Variants in HTR4 observed in about 807,000 individuals in gnomAD.
HTR4 encodes 5-hydroxytryptamine receptor 4, also known as 5-hydroxytryptamine (serotonin) receptor 4, G protein-coupled.
HTR4 carries 16 observed loss-of-function variants against 36.8 expected under a neutral mutation model. The observed-to-expected ratio is 0.43, with a 90% CI of 0.29 to 0.66. The LOEUF (loss-of-function observed/expected upper bound fraction) is 0.66, where lower values mean the gene tolerates loss of function less well. Ranked by LOEUF, HTR4 falls within the 30% of genes least tolerant of loss-of-function variation. The pLI is 0.13. For missense variants in HTR4, 438 were observed against 490.9 expected (o/e 0.89, Z 1.02); for synonymous variants, 189 against 185.1 (o/e 1.02, Z -0.17).
chr5:148,458,116 T>TAAA, intron 5 of HTR4, among the ~76,000 whole-genome samples: 3 of 134,016 alleles, frequency 2.2e-5, no homozygotes, highest in African/African-American at 5.3e-5. Context: ...ATTAAATAGA[T>TAAA]CTTAAAATAT....
intron 5 of HTR4, 33 bp downstream of exon 5, chr5:148,523,160 C>G (rs887725043): frequency 3.2e-6 from 5 of 1,584,910 alleles, no homozygotes; most frequent in Non-Finnish European, 4.3e-6. Context: ...GTTGATCAGA[C>G]AGTAAACCAG....
intron 5 of HTR4, among the ~76,000 whole-genome samples, chr5:148,460,095 T>C (rs773807214): frequency 3.4e-5 from 5 of 148,368 alleles, no homozygotes; most frequent in South Asian, 2.1e-4. Flanking sequence ...ACCTCCAAAA[T>C]TGAAAATAAA....
At chr5:148,536,794 G>T (rs186157484) in intron 4 of HTR4, among the ~76,000 whole-genome samples, 1 of 152,030 alleles carries the variant, frequency 6.6e-6, no homozygotes, top group African/African-American at 2.4e-5. Flanking sequence ...ATAGTGGAAG[G>T]CTTCAGCACT....
chr5:148,637,100 C>A (rs1314476979), intron 1 of HTR4, 39 bp from the exon 2 acceptor site: 1 of 1,364,050 alleles, frequency 7.3e-7, no homozygotes, highest in South Asian at 1.2e-5. Context: ...TAAAAGAAAG[C>A]AGCATTGAAA....
At chr5:148,475,381 T>C (rs1440140481), downstream of HTR4, among the ~76,000 whole-genome samples, 1 of 152,194 alleles carries the variant, frequency 6.6e-6, no homozygotes, top group Non-Finnish European at 1.5e-5. Context: ...GTCCTGACTA[T>C]CTTATATGCT....
intron 2 of HTR4, among the ~76,000 whole-genome samples, chr5:148,572,793 T>C (rs1467981564): frequency 2.0e-5 from 3 of 152,138 alleles, no homozygotes; most frequent in Non-Finnish European, 2.9e-5. Context: ...ACCTATTGAT[T>C]CTAACATGTT....
intron 5 of HTR4, among the ~76,000 whole-genome samples, 199 bp downstream of exon 5, chr5:148,522,994 A>T (rs951105415): frequency 3.3e-5 from 5 of 152,202 alleles, no homozygotes; most frequent in African/African-American, 9.6e-5. Context: ...ACAAGGATTC[A>T]GAAAAGTCTA....
At chr5:148,529,562 A>T (rs919572936) in intron 4 of HTR4, among the ~76,000 whole-genome samples, 2 of 152,206 alleles carry the variant, frequency 1.3e-5, no homozygotes, top group Non-Finnish European at 2.9e-5. Flanking sequence ...GAGTCCATTG[A>T]ATCTCTTTCT....
chr5:148,592,376 T>C (rs1761607720), intron 2 of HTR4, among the ~76,000 whole-genome samples: 1 of 152,068 alleles, frequency 6.6e-6, no homozygotes, highest in Non-Finnish European at 1.5e-5. Flanking sequence ...CATGTACCCC[T>C]GAACCTAAAA....
intron 2 of HTR4, among the ~76,000 whole-genome samples, chr5:148,625,189 A>T (rs1005791336): frequency 6.6e-6 from 1 of 152,188 alleles, no homozygotes; most frequent in African/African-American, 2.4e-5. Context: ...TTAGGGAGTC[A>T]AAAAGGTGTT....
chr5:148,578,595 C>A (rs62388994), intron 2 of HTR4, among the ~76,000 whole-genome samples: 35,741 of 151,922 alleles, frequency 0.24, 5,113 homozygotes, highest in Non-Finnish European at 0.32. Context: ...TTGAGGCAGA[C>A]GGTATAATCG....
intron 4 of HTR4, among the ~76,000 whole-genome samples, chr5:148,523,830 C>A (rs559942260): frequency 5.3e-5 from 8 of 152,294 alleles, no homozygotes; most frequent in African/African-American, 1.9e-4. Context: ...TGAGGAGCCT[C>A]TGCCCAGCCC....
Position 148,482,676 on chromosome 5 carries a change from C to T in HTR4, c.*527G>A, listed in dbSNP as rs1755945450. The T allele has an allele frequency of 1.0e-6, 1 of 999,688 alleles. No homozygotes were observed. The highest frequency in any genetic ancestry group is 1.7e-5 in the African/African-American group (1 of 57,818). The allele number at this position is 999,688 out of a possible 1,614,324, so 61.9% of individuals were successfully genotyped here. ...AAGTGTGTTAGCGTCTGGCACAGAACAGGGCGAAGAAGAGGCAGGGGATAG... is the reference window on the plus strand; with the variant it reads ...AAGTGTGTTAGCGTCTGGCACAGAATAGGGCGAAGAAGAGGCAGGGGATAG... On this transcript the variant is annotated 3_prime_UTR_variant, in exon 7 of 7. Coordinates refer to ENST00000377888, the MANE Select transcript of HTR4 (RefSeq NM_000870.7).
At chr5:148,578,098 T>C (rs1175319019) in intron 2 of HTR4, among the ~76,000 whole-genome samples, 1 of 152,090 alleles carries the variant, frequency 6.6e-6, no homozygotes, top group Non-Finnish European at 1.5e-5. Flanking sequence ...ATGCTTAATG[T>C]ACTAAAAAGT....
chr5:148,559,576 T>A (rs1250819528), intron 2 of HTR4, among the ~76,000 whole-genome samples: 1 of 152,088 alleles, frequency 6.6e-6, no homozygotes, highest in Non-Finnish European at 1.5e-5. Flanking sequence ...TCCCCCTAGG[T>A]TTCTTGAGAG....
chr5:148,575,209 T>A (rs942212455), intron 2 of HTR4, among the ~76,000 whole-genome samples: 32 of 151,972 alleles, frequency 2.1e-4, no homozygotes, highest in African/African-American at 7.7e-4. Context: ...GAGGTAAGCA[T>A]CCCCTGATCA....
chr5:148,534,980 A>C (rs1758744309), intron 4 of HTR4, among the ~76,000 whole-genome samples: 1 of 152,102 alleles, frequency 6.6e-6, no homozygotes, highest in Non-Finnish European at 1.5e-5. Flanking sequence ...AGAGGAACCC[A>C]CACCTTCAGA....
intron 5 of HTR4, among the ~76,000 whole-genome samples, chr5:148,510,777 T>G (rs902994799): frequency 2.0e-5 from 3 of 152,252 alleles, no homozygotes; most frequent in Non-Finnish European, 4.4e-5. Flanking sequence ...TGATGAAGGT[T>G]TGTCTCATTT....
At chr5:148,515,881 C>G (rs1757725285) in intron 5 of HTR4, among the ~76,000 whole-genome samples, 2 of 151,684 alleles carry the variant, frequency 1.3e-5, no homozygotes, top group African/African-American at 4.8e-5. Flanking sequence ...TTCTTAGGCA[C>G]TATTTCTACA....
Sources: allele counts gnomAD v4.1 joint callset (sites outside exome capture counted in the v4.1 genomes callset), GRCh38; gene constraint gnomAD v4.1.1; transcripts MANE v1.5; gene names NCBI Gene and HGNC (gene_info 2026-07-23, HGNC 2026-07-21).